The following MIDEAS variants were observed in gnomAD, a reference collection of about 807,000 sequenced individuals.
The protein encoded by MIDEAS is mitotic deacetylase associated SANT domain protein, also known as mitotic deacetylase-associated SANT domain protein.
MIDEAS carries 26 observed loss-of-function variants against 102.7 expected under a neutral mutation model. The observed-to-expected ratio is 0.25, with a 90% CI of 0.19 to 0.35. The LOEUF (loss-of-function observed/expected upper bound fraction) is 0.35, where lower values mean the gene tolerates loss of function less well. MIDEAS is among the 10% of genes least tolerant of loss of function. The probability of loss-of-function intolerance (pLI) is 1.00; values close to 1 mark genes in which losing one functional copy is unlikely to be tolerated. For synonymous variants in MIDEAS, 585 were observed against 591.0 expected, an observed-to-expected ratio of 0.99 and a Z score of 0.15; for missense variants, 1,231 against 1,435.6, an observed-to-expected ratio of 0.86 and a Z score of 2.30.
chr14:73,729,796 G>C lies in MIDEAS; in HGVS notation c.1939C>G (p.Arg647Gly). Residue 647 changes from arginine to glycine, a missense_variant, in exon 4 of 13, where the codon CGG (arginine) becomes GGG (glycine). Around this residue, in one of 5 missense-constraint regions of MIDEAS, gnomAD observed 758 missense variants for 856.0 expected, o/e 0.89. Transcript: ENST00000423556. ...PVRLADHPSERSFELPPYTPP... is the reference protein window; with the variant it reads ...PVRLADHPSEGSFELPPYTPP... ...GTGTAGGGAGGTAGCTCAAAGCTCCGCTCAGAGGGGTGGTCAGCTAGGCGC... is the reference window on the plus strand; with the variant it reads ...GTGTAGGGAGGTAGCTCAAAGCTCCCCTCAGAGGGGTGGTCAGCTAGGCGC... The C allele has an allele frequency of 6.2e-7, 1 of 1,614,052 alleles. No individual in the cohort carries two copies. The highest frequency in any genetic ancestry group is 8.5e-7 in the Non-Finnish European group (1 of 1,180,036).
At position 73,717,245 on chromosome 14, in the gene MIDEAS, C is replaced by T. The variant is rs2052905733; in HGVS notation, c.*1598G>A. 2.0e-5 allele frequency: 3 copies of T among 152,130 alleles called. No individual in the cohort carries two copies. Among genetic ancestry groups the T allele is most frequent in the Non-Finnish European group, 4.4e-5 (3 of 67,964 alleles). 9.4% of individuals were successfully genotyped at this position (152,130 alleles called of 1,614,324 possible). On this transcript the variant is annotated 3_prime_UTR_variant, in exon 13 of 13. Coordinates refer to ENST00000423556, the MANE Select transcript of MIDEAS (RefSeq NM_001367710.1). The stretch of plus-strand genomic sequence containing the variant: ...CTAATACGTTGACCTGTCATACGCG[C>T]ATTCACTTAGAATTTCTTTTGCACA...
In MIDEAS at chr14:73,782,149, A is replaced by G. The variant is rs17091506; in HGVS notation, c.-248+4953T>C. 8.2e-3 allele frequency among the ~76,000 whole-genome samples: 1,254 copies of G among 152,274 alleles called. 11 individuals carry two copies. The highest frequency in any genetic ancestry group is 0.029 in the African/African-American group (1,190 of 41,544). On this transcript the variant is annotated intron_variant, in intron 1 of 11. Transcript: ENST00000394071. ...GTGAATTATTTTTCAAAAAAGAAAG[A>G]ATCTGGCTTATGAGGCAAGGTTGTG...
In MIDEAS at chr14:73,719,401, C is replaced by A. The variant is rs760423135; in HGVS notation, c.3038G>T (p.Arg1013Leu). ...EKPREGTGKSRRALPFSEKKK... is the reference protein window; with the variant it reads ...EKPREGTGKSLRALPFSEKKK... ...CTTCTCTGAAAAAGGTAGTGCCCTT[C>A]GTGACTTCCCTGTCCCTTCCCTTGG... The change falls in exon 12 of 13, where the codon CGA becomes CTA. Residue 1013 changes from arginine (R) to leucine (L), a missense_variant. Arg to Leu is a moderately radical substitution (Grantham distance 102). Around this residue, in one of 5 missense-constraint regions of MIDEAS, gnomAD observed 391 missense variants for 483.0 expected, o/e 0.81. Transcript: ENST00000423556. 3.7e-6 allele frequency: 6 copies of A among 1,613,954 alleles called. No homozygotes were observed. The Admixed American group carries it at 6.7e-5, about 18-fold the overall frequency.
upstream of MIDEAS, among the ~76,000 whole-genome samples, chr14:73,761,054 C>T (rs1297990104): frequency 6.6e-6 from 1 of 152,056 alleles, no homozygotes; most frequent in East Asian, 1.9e-4. Flanking sequence ...GTGTCCTATT[C>T]TTCCTTCCAA....
At chr14:73,769,836 G>A (rs889266409) in intron 1 of MIDEAS, among the ~76,000 whole-genome samples, 3 of 151,538 alleles carry the variant, frequency 2.0e-5, no homozygotes, top group African/African-American at 4.9e-5. Flanking sequence ...TCCTGACCTG[G>A]TGATCTGCCC....
rs1371658426 is a variant in MIDEAS at position 73,737,026 on chromosome 14, C to T, written c.1721G>A (p.Arg574Gln). 5.6e-6 allele frequency: 9 copies of T among 1,613,584 alleles called. No homozygotes were observed. Among genetic ancestry groups the T allele is most frequent in the South Asian group, 3.3e-5 (3 of 91,048 alleles). The change falls in exon 3 of 13, where the codon CGA (arginine) becomes CAA (glutamine). Residue 574 changes from arginine to glutamine, a missense_variant. Coordinates refer to ENST00000423556, the MANE Select transcript of MIDEAS (RefSeq NM_001367710.1). ...AGCTTGAGCATCTGTCCCGGGGATT[C>T]GGGTGGACCGCCTGCGGGTGACGAT... ...SVIVTRRRST[R>Q]IPGTDAQAQA...
intron 1 of MIDEAS, among the ~76,000 whole-genome samples, chr14:73,740,821 A>G (rs539417097): frequency 3.9e-5 from 6 of 152,218 alleles, no homozygotes; most frequent in African/African-American, 1.4e-4. Flanking sequence ...GGACAGGGTC[A>G]TTCCCGACGT....
At chr14:73,750,004 G>A (rs914479708) in intron 1 of MIDEAS, among the ~76,000 whole-genome samples, 3 of 152,152 alleles carry the variant, frequency 2.0e-5, no homozygotes, top group East Asian at 3.9e-4. Flanking sequence ...AGCTTGTCAG[G>A]CAGCCCTGCT....
chr14:73,761,492 C>G (rs1026885900), upstream of MIDEAS, among the ~76,000 whole-genome samples: 1 of 152,200 alleles, frequency 6.6e-6, no homozygotes, highest in Non-Finnish European at 1.5e-5. Flanking sequence ...AGGAGAAGGG[C>G]TTATTTGCAC....
intron 1 of MIDEAS, among the ~76,000 whole-genome samples, chr14:73,748,971 T>C (rs1053770150): frequency 1.3e-5 from 2 of 152,054 alleles, no homozygotes; most frequent in Non-Finnish European, 2.9e-5. Context: ...ACAACTCAAA[T>C]AACAGTAGGA....
Position 73,741,275 on chromosome 14 carries a change from G to C in MIDEAS, c.-247-1020C>G, listed in dbSNP as rs575985950. Among the ~76,000 whole-genome samples, 50 of 152,284 alleles carry C rather than the reference G, an allele frequency of 3.3e-4. No homozygotes were observed. The South Asian group carries it at 9.7e-3, about 30-fold the overall frequency. ...TTGATTTTTTAAAGCAGTCGCTACA[G>C]AACAGAATCTAGACCTGTATTTTAT... On this transcript the variant is annotated intron_variant, in intron 1 of 12. Transcript: ENST00000423556.
Position 73,727,492 on chromosome 14 carries a change from C to T in MIDEAS, c.2128G>A (p.Val710Met), listed in dbSNP as rs753142375. Residue 710 changes from valine to methionine, a missense_variant, in exon 5 of 13, where the codon GTG (valine) becomes ATG (methionine). This residue lies in a region of MIDEAS where 391 missense variants were observed against 483.0 expected (regional missense o/e 0.81). Coordinates refer to ENST00000423556, the MANE Select transcript of MIDEAS (RefSeq NM_001367710.1). ...CTCACTGGGGTGGCCTCCCCCATCA[C>T]AGAGAGGACAGGCGGGGTTACTTCA... ...SAEVTPPVLS[V>M]MGEATPVSIE... 1.9e-6 allele frequency: 3 copies of T among 1,613,726 alleles called. No individual in the cohort carries two copies. The highest frequency in any genetic ancestry group is 3.3e-5 in the Admixed American group (2 of 59,944).
chr14:73,722,886 T>G (rs1342130477), intron 9 of MIDEAS, 39 bp from the exon 10 acceptor site: 1 of 1,606,200 alleles, frequency 6.2e-7, no homozygotes, highest in Admixed American at 1.7e-5. Flanking sequence ...ACCCTCTGGT[T>G]TGGCTCATCT....
intron 1 of MIDEAS, among the ~76,000 whole-genome samples, chr14:73,751,415 T>G (rs954570431): frequency 1.3e-5 from 2 of 152,306 alleles, no homozygotes; most frequent in Admixed American, 1.3e-4. Context: ...CATGATGTTC[T>G]GAGATGTGGC....
At chr14:73,728,767 C>T (rs1260132561) in intron 4 of MIDEAS, 3 of 152,446 alleles carry the variant, frequency 2.0e-5, no homozygotes, top group African/African-American at 4.8e-5. Context: ...GGTAGATACT[C>T]GTGGACAGAC....
chr14:73,722,963 C>T (rs1323684965), intron 9 of MIDEAS, 116 bp from the exon 10 acceptor site: 8 of 1,211,308 alleles, frequency 6.6e-6, no homozygotes, highest in Non-Finnish European at 9.3e-6. Context: ...AAATGAAACC[C>T]AGCCAACCCA....
chr14:73,742,958 A>G lies in MIDEAS; in HGVS notation c.-247-2703T>C, dbSNP rs1431266559. Reference sequence around the variant, plus strand: ...GCTTTATATCCTTTAAATTCCCACCATGGCCTTATAAGGCAGGAGTTGCGA... The same window carrying G: ...GCTTTATATCCTTTAAATTCCCACCGTGGCCTTATAAGGCAGGAGTTGCGA... On this transcript the variant is annotated intron_variant, in intron 1 of 12. Coordinates refer to ENST00000423556, the MANE Select transcript of MIDEAS (RefSeq NM_001367710.1). The surrounding 1 kb of genome is among the most constrained non-coding windows in gnomAD (Gnocchi z 4.4). 6.6e-6 allele frequency among the ~76,000 whole-genome samples: 1 copy of G among 152,114 alleles called. No individual in the cohort carries two copies. The highest frequency in any genetic ancestry group is 1.5e-5 in the Non-Finnish European group (1 of 68,004).
chr14:73,750,099 A>G (rs2053402910), intron 1 of MIDEAS, among the ~76,000 whole-genome samples: 1 of 152,204 alleles, frequency 6.6e-6, no homozygotes. Flanking sequence ...TCCTTCCCAA[A>G]AGAAGGGAGC....
At position 73,726,668 on chromosome 14, in the gene MIDEAS, G is replaced by A; in HGVS notation, c.2345C>T (p.Pro782Leu). The A allele has an allele frequency of 3.7e-6, 6 of 1,614,256 alleles. No individual in the cohort carries two copies. The highest frequency in any genetic ancestry group is 5.1e-6 in the Non-Finnish European group (6 of 1,180,046). Residue 782 changes from proline (P) to leucine (L), a missense_variant, in exon 7 of 13, where the codon CCT becomes CTT. Physicochemically the swap from Pro to Leu is moderately conservative, Grantham distance 98. Around this residue, in one of 5 missense-constraint regions of MIDEAS, gnomAD observed 391 missense variants for 483.0 expected, o/e 0.81. Transcript: ENST00000423556. Reference sequence around the variant, plus strand: ...CAGCTCCTGGTTGGTGCCAGCACCAGGGAAAATGCTGGAGCAGGCGGCTGT... The same window carrying A: ...CAGCTCCTGGTTGGTGCCAGCACCAAGGAAAATGCTGGAGCAGGCGGCTGT... Reference protein sequence around the residue: ...LLTAACSSIFPGAGTNQELAL... With the variant: ...LLTAACSSIFLGAGTNQELAL...
Sources: allele counts gnomAD v4.1 joint callset (sites outside exome capture counted in the v4.1 genomes callset), GRCh38; gene constraint gnomAD v4.1.1; regional missense constraint gnomAD v4.1.1; non-coding constraint Gnocchi (gnomAD v3.1); transcripts MANE v1.5; gene names NCBI Gene and HGNC (gene_info 2026-07-23, HGNC 2026-07-21).